The following UTS2B variants were observed in gnomAD, a reference collection of about 807,000 sequenced individuals.
The protein encoded by UTS2B is urotensin-2B.
UTS2B carries 21 observed loss-of-function variants against 19.2 expected under a neutral mutation model. The ratio of observed to expected loss-of-function variants is 1.09; its 90% CI spans 0.78 to 1.58. The LOEUF (loss-of-function observed/expected upper bound fraction) is 1.58, where lower values mean the gene tolerates loss of function less well. Among genes scored for constraint, UTS2B ranks in the 40% most tolerant of loss-of-function variants. UTS2B has a pLI of 0.00. For missense variants in UTS2B, 138 were observed against 130.3 expected, an observed-to-expected ratio of 1.06 and a Z score of -0.29; for synonymous variants, 57 against 50.2, an observed-to-expected ratio of 1.14 and a Z score of -0.58.
At chr3:191,336,350 T>A in the UTS2B span, among the ~76,000 whole-genome samples, 2 of 152,326 alleles carry the variant, frequency 1.3e-5, no homozygotes, top group East Asian at 1.9e-4. Context: ...TTACTTTTTT[T>A]AATTTTAACC....
intron 2 of UTS2B, among the ~76,000 whole-genome samples, chr3:191,325,929 A>T (rs1717733726): frequency 1.3e-5 from 2 of 152,192 alleles, no homozygotes; most frequent in African/African-American, 4.8e-5. Flanking sequence ...AGTCTGTGGT[A>T]TTTTGTTATG....
At chr3:191,298,285 T>C (rs1716908324) in intron 4 of UTS2B, among the ~76,000 whole-genome samples, 1 of 152,198 alleles carries the variant, frequency 6.6e-6, no homozygotes, top group Admixed American at 6.5e-5. Context: ...TTTTTGCCCC[T>C]GCCCAAATTT....
rs143141716 is a variant in UTS2B at position 191,308,721 on chromosome 3, T to C, written c.-181-4173A>G. 2.9e-4 allele frequency among the ~76,000 whole-genome samples: 44 copies of C among 152,302 alleles called. 1 individual carries two copies. The highest frequency in any genetic ancestry group is 7.2e-4 in the African/African-American group (30 of 41,566). On this transcript the variant is annotated intron_variant, in intron 3 of 8. Transcript: ENST00000340524. ...CAAAATCATCCTTGGCTGAGAACCA[T>C]TGCTTTAGATGGAATGACTCAATAT...
chr3:191,345,100 G>C, the UTS2B span, among the ~76,000 whole-genome samples: 1 of 152,200 alleles, frequency 6.6e-6, no homozygotes, highest in Non-Finnish European at 1.5e-5. Context: ...TTGAGGTTAT[G>C]GGATGTTTCT....
chr3:191,334,493 TGTTCTAG>T (rs1718080796), upstream of UTS2B, among the ~76,000 whole-genome samples: 1 of 152,138 alleles, frequency 6.6e-6, no homozygotes, highest in African/African-American at 2.4e-5. Context: ...TAAAAACCAC[TGTTCTAG>T]GCCAACTTCC....
chr3:191,311,697 C>T (rs1396245562), intron 3 of UTS2B, among the ~76,000 whole-genome samples: 1 of 152,292 alleles, frequency 6.6e-6, no homozygotes, highest in East Asian at 1.9e-4. Context: ...GATTTCAGTG[C>T]CTTCGTCACC....
chr3:191,326,197 A>G (rs912875152), intron 2 of UTS2B, among the ~76,000 whole-genome samples: 1 of 152,138 alleles, frequency 6.6e-6, no homozygotes, highest in Non-Finnish European at 1.5e-5. Flanking sequence ...CTTACTGATA[A>G]TAAAATTGGA....
chr3:191,319,660 C>T (rs1371743998), intron 2 of UTS2B, among the ~76,000 whole-genome samples: 2 of 150,830 alleles, frequency 1.3e-5, no homozygotes, highest in African/African-American at 4.9e-5. Flanking sequence ...GAGTTCAAGA[C>T]CAGCCTGGCC....
intron 8 of UTS2B, among the ~76,000 whole-genome samples, chr3:191,271,194 C>T (rs1716082538): frequency 1.0e-5 from 1 of 96,162 alleles, no homozygotes; most frequent in Non-Finnish European, 1.8e-5. Context: ...CAGAGTGAGA[C>T]TCTCTCAAAA....
chr3:191,283,468 C>A (rs1171304844), intron 4 of UTS2B, among the ~76,000 whole-genome samples: 1 of 140,240 alleles, frequency 7.1e-6, no homozygotes, highest in Non-Finnish European at 1.5e-5. Flanking sequence ...ACTGCCACAA[C>A]ATTTTGTTTG....
At chr3:191,280,926 T>C (rs969035159) in intron 5 of UTS2B, among the ~76,000 whole-genome samples, 3 of 152,200 alleles carry the variant, frequency 2.0e-5, no homozygotes, top group Non-Finnish European at 4.4e-5. Context: ...GTGAGTGTCA[T>C]GGATAAAATC....
chr3:191,282,001 A>G (rs6444533), intron 5 of UTS2B, 86 bp downstream of exon 5: 515,512 of 940,286 alleles, frequency 0.55, 145,319 homozygotes, highest in Admixed American at 0.59. Context: ...CATTATTTCA[A>G]CAATGGCAGA....
At chr3:191,320,671 A>C (rs1374264664) in intron 2 of UTS2B, among the ~76,000 whole-genome samples, 1 of 152,186 alleles carries the variant, frequency 6.6e-6, no homozygotes, top group East Asian at 1.9e-4. Context: ...GAGATGTGGA[A>C]TTTTTGTTGT....
chr3:191,336,595 A>G, the UTS2B span, among the ~76,000 whole-genome samples: 1 of 152,168 alleles, frequency 6.6e-6, no homozygotes, highest in Non-Finnish European at 1.5e-5. Flanking sequence ...GCCCATGTCC[A>G]TGCTTTTAAA....
the UTS2B span, among the ~76,000 whole-genome samples, chr3:191,339,444 C>T: frequency 0.085 from 12,944 of 152,098 alleles, 672 homozygotes; most frequent in East Asian, 0.24. Flanking sequence ...AGGATTTGGA[C>T]AGAATCTTGT....
At chr3:191,299,785 T>C (rs1463146082) in intron 4 of UTS2B, among the ~76,000 whole-genome samples, 1 of 152,210 alleles carries the variant, frequency 6.6e-6, no homozygotes, top group Non-Finnish European at 1.5e-5. Context: ...ACTTGTGCCC[T>C]GCACCTGGAA....
upstream of UTS2B, among the ~76,000 whole-genome samples, chr3:191,335,055 C>T (rs1313816442): frequency 6.6e-6 from 1 of 152,134 alleles, no homozygotes; most frequent in African/African-American, 2.4e-5. Context: ...TAAAATTAAA[C>T]GTATTGGAGA....
upstream of UTS2B, among the ~76,000 whole-genome samples, chr3:191,334,775 G>A (rs903169295): frequency 1.3e-5 from 2 of 151,994 alleles, no homozygotes; most frequent in African/African-American, 4.8e-5. Flanking sequence ...TTTCATTTAT[G>A]TGATATGCCA....
chr3:191,312,385 T>A (rs775903262), intron 3 of UTS2B, among the ~76,000 whole-genome samples: 2 of 152,184 alleles, frequency 1.3e-5, no homozygotes, highest in Non-Finnish European at 2.9e-5. Context: ...TTACATGGTC[T>A]TTATGTTGGG....
Sources: allele counts gnomAD v4.1 joint callset (sites outside exome capture counted in the v4.1 genomes callset), GRCh38; gene constraint gnomAD v4.1.1; transcripts MANE v1.5; gene names NCBI Gene and HGNC (gene_info 2026-07-23, HGNC 2026-07-21).